Variants in SLC8A1 observed in about 807,000 individuals in gnomAD.
SLC8A1 encodes the protein solute carrier family 8 member A1, also known as sodium/calcium exchanger 1.
Under a neutral mutation model 68.3 loss-of-function variants are expected in SLC8A1, and 18 were observed. The observed-to-expected ratio is 0.26, with a 90% CI of 0.18 to 0.39. The LOEUF is 0.39. Among genes scored for constraint, SLC8A1 ranks in the 10% least tolerant of loss-of-function variants. SLC8A1 has a pLI of 1.00. For missense variants in SLC8A1, 985 were observed against 1,156.7 expected, an observed-to-expected ratio of 0.85 and a Z score of 2.15; for synonymous variants, 475 against 415.5, an observed-to-expected ratio of 1.14 and a Z score of -1.74.
intron 2 of SLC8A1, among the ~76,000 whole-genome samples, chr2:40,320,978 G>A (rs1015514983): frequency 2.0e-5 from 3 of 152,062 alleles, no homozygotes; most frequent in Non-Finnish European, 2.9e-5. Flanking sequence ...CCATGCAGGC[G>A]GGGGATTGTG....
intron 4 of SLC8A1, among the ~76,000 whole-genome samples, chr2:40,166,305 C>T (rs968851553): frequency 2.6e-5 from 4 of 152,268 alleles, no homozygotes; most frequent in East Asian, 1.9e-4. Flanking sequence ...GAGCTAGAGG[C>T]AGTGCCAGCA....
chr2:40,475,277 G>C (rs1704214492), intron 1 of SLC8A1, among the ~76,000 whole-genome samples: 1 of 152,048 alleles, frequency 6.6e-6, no homozygotes, highest in Non-Finnish European at 1.5e-5. Context: ...GGGACTACAG[G>C]TGCCCGCCAC....
intron 1 of SLC8A1, among the ~76,000 whole-genome samples, chr2:40,497,615 A>G (rs892847672): frequency 6.6e-6 from 1 of 152,006 alleles, no homozygotes; most frequent in Non-Finnish European, 1.5e-5. Flanking sequence ...GGTATTAAAT[A>G]TGTTAGGAAA....
intron 2 of SLC8A1, among the ~76,000 whole-genome samples, chr2:40,358,671 C>T: frequency 6.6e-6 from 1 of 152,202 alleles, no homozygotes; most frequent in East Asian, 1.9e-4. Flanking sequence ...TTAATTCACT[C>T]ATTCAACAAT....
At chr2:40,426,816 G>T (rs986769680) in intron 2 of SLC8A1, among the ~76,000 whole-genome samples, 2 of 151,848 alleles carry the variant, frequency 1.3e-5, no homozygotes, top group African/African-American at 4.8e-5. Flanking sequence ...CTACAGAAGG[G>T]TTCAATAATT....
chr2:40,255,436 T>G (rs186532526), intron 2 of SLC8A1, among the ~76,000 whole-genome samples: 4 of 152,164 alleles, frequency 2.6e-5, no homozygotes, highest in African/African-American at 9.7e-5. Context: ...ATGTACAACA[T>G]TTCTTCTAAA....
At chr2:40,326,884 C>T (rs1041690499) in intron 2 of SLC8A1, among the ~76,000 whole-genome samples, 10 of 152,274 alleles carry the variant, frequency 6.6e-5, no homozygotes, top group African/African-American at 2.4e-4. Context: ...AGGATCCTAA[C>T]CAGACTGCAG....
intron 2 of SLC8A1, among the ~76,000 whole-genome samples, chr2:40,229,085 T>A (rs1164532191): frequency 1.3e-5 from 2 of 152,088 alleles, no homozygotes; most frequent in Admixed American, 1.3e-4. Flanking sequence ...CATAATCTAA[T>A]AACCATAACC....
At chr2:40,358,549 C>T (rs76399990) in intron 2 of SLC8A1, among the ~76,000 whole-genome samples, 3 of 152,082 alleles carry the variant, frequency 2.0e-5, no homozygotes, top group Non-Finnish European at 4.4e-5. Flanking sequence ...CCAGTCTAAT[C>T]CTATTTATTC....
chr2:40,451,816 AG>A, intron 1 of SLC8A1, 87 bp downstream of exon 1: 1 of 155,902 alleles, frequency 6.4e-6, no homozygotes, highest in Non-Finnish European at 1.4e-5. Flanking sequence ...GCCAAAGCAG[AG>A]GGAAGTGTAG....
chr2:40,494,681 A>C (rs1051328979), intron 1 of SLC8A1, among the ~76,000 whole-genome samples: 2 of 115,334 alleles, frequency 1.7e-5, no homozygotes, highest in East Asian at 2.8e-4. Context: ...ATATATATAT[A>C]TATCCAAATG....
At chr2:40,298,746 G>A (rs1022318128) in intron 2 of SLC8A1, among the ~76,000 whole-genome samples, 12 of 152,198 alleles carry the variant, frequency 7.9e-5, no homozygotes, top group African/African-American at 2.9e-4. Flanking sequence ...AAAGCATGCA[G>A]AAAACTGTAA....
rs1215845262 is a variant in SLC8A1, at chr2:40,248,479, A to G, written c.1809-70624T>C. 2.6e-5 allele frequency among the ~76,000 whole-genome samples: 4 copies of G among 152,206 alleles called. No homozygotes were observed. The East Asian group carries it at 7.7e-4, about 29-fold the overall frequency. The stretch of plus-strand genomic sequence containing the variant: ...AAAGATGGCTGTCTATGAATCAGGA[A>G]ATTGTACTTCACCAGACACTGACTC... On this transcript the variant is annotated intron_variant, in intron 2 of 7. Coordinates refer to ENST00000406785, the Ensembl canonical transcript of SLC8A1.
At chr2:40,179,884 TG>T (rs1269670921) in intron 2 of SLC8A1, among the ~76,000 whole-genome samples, 1 of 152,232 alleles carries the variant, frequency 6.6e-6, no homozygotes, top group Non-Finnish European at 1.5e-5. Flanking sequence ...TCTTGCTTTT[TG>T]GCTTAGCATT....
chr2:40,159,163 G>C (rs1477742341), intron 6 of SLC8A1, among the ~76,000 whole-genome samples: 1 of 152,148 alleles, frequency 6.6e-6, no homozygotes. Flanking sequence ...CGTATTTCCT[G>C]TTCCCTTCCA....
rs565298765 is a variant in SLC8A1 at position 40,281,991 on chromosome 2, A to T, written c.1809-104136T>A. Among the ~76,000 whole-genome samples, 11 of 152,256 alleles carry T rather than the reference A, an allele frequency of 7.2e-5. No individual in the cohort carries two copies. The South Asian group carries it at 2.3e-3, about 32-fold the overall frequency. On this transcript the variant is annotated intron_variant, in intron 2 of 7. Transcript: ENST00000406785. ...AGTCTGTTTATTCTTCTAGAAAAGT[A>T]TAACAGTGGATTAGCTACTGGCTTC... is the stretch of plus-strand genomic sequence containing the variant.
chr2:40,237,239 C>T (rs1297692432), intron 2 of SLC8A1, among the ~76,000 whole-genome samples: 1 of 152,206 alleles, frequency 6.6e-6, no homozygotes, highest in Non-Finnish European at 1.5e-5. Context: ...CTTTCAGGTA[C>T]ACCAATCAGA....
intron 2 of SLC8A1, among the ~76,000 whole-genome samples, chr2:40,322,028 C>T (rs958532718): frequency 6.6e-6 from 1 of 152,138 alleles, no homozygotes; most frequent in African/African-American, 2.4e-5. Flanking sequence ...TGATGACTCT[C>T]ACTAGAATTG....
At chr2:40,375,117 T>G (rs1679397381) in intron 2 of SLC8A1, among the ~76,000 whole-genome samples, 1 of 152,186 alleles carries the variant, frequency 6.6e-6, no homozygotes, top group Admixed American at 6.5e-5. Context: ...GTTGATGCTG[T>G]GTTTGCAGCT....
Sources: gnomAD v4.1 joint callset for allele counts (sites outside exome capture counted in the v4.1 genomes callset) on GRCh38, gnomAD v4.1.1 for gene constraint, MANE v1.5 for transcripts, NCBI Gene and HGNC (gene_info 2026-07-23, HGNC 2026-07-21) for gene names.